Variants in CUX1 observed in about 807,000 individuals in gnomAD.
CUX1 encodes the protein cut like homeobox 1.
In CUX1, 31 loss-of-function variants were observed where a neutral mutation model predicts 158.8. The ratio of observed to expected loss-of-function variants is 0.20; its 90% CI spans 0.15 to 0.26. The LOEUF (loss-of-function observed/expected upper bound fraction) is 0.26, where lower values mean the gene tolerates loss of function less well. Among genes scored for constraint, CUX1 ranks in the 10% least tolerant of loss-of-function variants. The pLI, the probability that CUX1 is intolerant of heterozygous loss-of-function variation, is 1.00. For synonymous variants in CUX1, 879 were observed against 862.1 expected (o/e 1.02, Z -0.34); for missense variants, 1,589 against 2,014.6 (o/e 0.79, Z 4.04).
chr7:102,269,457 G>C (rs1252732327), intron 14 of CUX1, among the ~76,000 whole-genome samples: 5 of 151,278 alleles, frequency 3.3e-5, no homozygotes, highest in Non-Finnish European at 7.4e-5. Flanking sequence ...CCAGGGTGGA[G>C]TACAATGGTG....
chr7:102,054,321 A>C (rs1032608679), intron 3 of CUX1, among the ~76,000 whole-genome samples: 3 of 152,046 alleles, frequency 2.0e-5, no homozygotes, highest in African/African-American at 7.2e-5. Flanking sequence ...ATTTATTTTG[A>C]GTTAATTTTT....
At chr7:101,834,448 C>G (rs980523089) in intron 1 of CUX1, among the ~76,000 whole-genome samples, 2 of 152,140 alleles carry the variant, frequency 1.3e-5, no homozygotes, top group Non-Finnish European at 2.9e-5. Context: ...GCTGGGATTA[C>G]AGGCATGAGC....
At chr7:102,014,931 A>T (rs1474254392) in intron 2 of CUX1, among the ~76,000 whole-genome samples, 1 of 151,782 alleles carries the variant, frequency 6.6e-6, no homozygotes, top group Non-Finnish European at 1.5e-5. Flanking sequence ...TTCTGGCTGC[A>T]CATGGGTTAC....
At chr7:101,910,186 AC>A (rs1326126969) in intron 1 of CUX1, among the ~76,000 whole-genome samples, 1 of 152,014 alleles carries the variant, frequency 6.6e-6, no homozygotes, top group African/African-American at 2.4e-5. Context: ...TCCCTCTGTC[AC>A]CCAGGCTGGA....
chr7:101,973,781 T>G (rs1036842738), intron 2 of CUX1, among the ~76,000 whole-genome samples: 2 of 150,592 alleles, frequency 1.3e-5, no homozygotes, highest in Admixed American at 1.3e-4. Context: ...TTTTTTTTTT[T>G]TTTTTGAGAC....
rs1801427001 is a variant in CUX1, at chr7:102,250,778, G to A, written c.*1736G>A. Reference sequence around the variant, plus strand: ...TGCGTGAGAATAGAGGCGGGTGAGAGTGTGCGTGCGTGTGCGTGTGTGCAA... The same window carrying A: ...TGCGTGAGAATAGAGGCGGGTGAGAATGTGCGTGCGTGTGCGTGTGTGCAA... On this transcript the variant is annotated 3_prime_UTR_variant, in exon 24 of 24. Coordinates refer to ENST00000292535, the MANE Select transcript of CUX1 (RefSeq NM_181552.4). 1.0e-6 allele frequency: 1 copy of A among 984,662 alleles called. No individual in the cohort carries two copies. Among genetic ancestry groups the A allele is most frequent in the South Asian group, 4.7e-5 (1 of 21,286 alleles). 61.0% of individuals were successfully genotyped at this position (984,662 alleles called of 1,614,324 possible). A position where few individuals can be genotyped will look rare whatever the true frequency, so the allele number is the denominator to read the frequency against.
At chr7:102,235,778 C>CCACACACA (rs139509701) in intron 22 of CUX1, among the ~76,000 whole-genome samples, 2 of 141,396 alleles carry the variant, frequency 1.4e-5, no homozygotes, top group African/African-American at 5.4e-5. Context: ...CCCGTCCCCG[C>CCACACACA]CACACACACA....
At chr7:102,163,786 C>T (rs74711878) in intron 9 of CUX1, among the ~76,000 whole-genome samples, 4,059 of 152,242 alleles carry the variant, frequency 0.027, 204 homozygotes, top group African/African-American at 0.093. Context: ...GCATCTGGAC[C>T]AACACCTTTC....
intron 1 of CUX1, among the ~76,000 whole-genome samples, chr7:101,897,122 G>A (rs1014093192): frequency 6.6e-6 from 1 of 152,234 alleles, no homozygotes; most frequent in East Asian, 1.9e-4. Context: ...TATTTAGGAC[G>A]CATCTGCGAA....
intron 20 of CUX1, among the ~76,000 whole-genome samples, chr7:102,224,869 T>G (rs1262928805): frequency 1.3e-5 from 2 of 152,260 alleles, no homozygotes; most frequent in Non-Finnish European, 2.9e-5. Context: ...GACCTTGCTG[T>G]GGGTTAAAGG....
chr7:102,182,508 G>T (rs1554514274), intron 11 of CUX1, among the ~76,000 whole-genome samples: 1 of 152,158 alleles, frequency 6.6e-6, no homozygotes, highest in East Asian at 1.9e-4. Flanking sequence ...GTCCTGTCCA[G>T]GGCTCTACTT....
intron 2 of CUX1, among the ~76,000 whole-genome samples, chr7:101,984,018 A>G (rs1269946168): frequency 6.9e-6 from 1 of 144,406 alleles, no homozygotes; most frequent in African/African-American, 2.6e-5. Context: ...TGGGTGACAG[A>G]GCTGAGACTG....
Position 101,890,534 on chromosome 7 carries a change from G to T in CUX1, c.31-25581G>T, listed in dbSNP as rs2131637135. Among the ~76,000 whole-genome samples, 5 of 152,052 alleles carry T rather than the reference G, an allele frequency of 3.3e-5. No individual in the cohort carries two copies. In the Middle Eastern group the frequency reaches 0.017, roughly 517 times the overall value. ...AAGTGCTCAGCAAGGCCCGGCACCAGGTTTGTTCTTGGGATCAGAGTGATA... is the reference window on the plus strand; with the variant it reads ...AAGTGCTCAGCAAGGCCCGGCACCATGTTTGTTCTTGGGATCAGAGTGATA... On this transcript the variant is annotated intron_variant, in intron 1 of 23. Coordinates refer to ENST00000292535, the MANE Select transcript of CUX1 (RefSeq NM_181552.4).
intron 1 of CUX1, among the ~76,000 whole-genome samples, chr7:101,864,614 T>C (rs1033830338): frequency 3.9e-5 from 6 of 152,052 alleles, no homozygotes; most frequent in African/African-American, 1.4e-4. Context: ...GCAGGGGTGC[T>C]ATCTTGGCTC....
chr7:102,212,397 G>C (rs1269293650), intron 20 of CUX1, among the ~76,000 whole-genome samples: 2 of 152,084 alleles, frequency 1.3e-5, no homozygotes, highest in Non-Finnish European at 2.9e-5. Context: ...CACACCCTTG[G>C]GGAAGGCTGC....
intron 1 of CUX1, among the ~76,000 whole-genome samples, chr7:101,903,639 T>C (rs921155561): frequency 6.6e-6 from 1 of 152,178 alleles, no homozygotes; most frequent in African/African-American, 2.4e-5. Context: ...CCCCTCTCCC[T>C]GCCACAGAGC....
At chr7:102,003,295 A>AACACACACACACACACACACACAC (rs56760446) in intron 2 of CUX1, among the ~76,000 whole-genome samples, 39 of 131,968 alleles carry the variant, frequency 3.0e-4, no homozygotes, top group African/African-American at 1.0e-3. Flanking sequence ...CCTGGTGCCG[A>AACACACACACACACACACACACAC]ACACACACAC....
At chr7:101,863,908 G>A (rs536954806) in intron 1 of CUX1, among the ~76,000 whole-genome samples, 7 of 152,152 alleles carry the variant, frequency 4.6e-5, no homozygotes, top group South Asian at 2.1e-4. Flanking sequence ...ACAATATTCC[G>A]TGGTGTGTGT....
intron 1 of CUX1, among the ~76,000 whole-genome samples, chr7:101,868,226 A>G (rs1437772166): frequency 6.6e-6 from 1 of 152,050 alleles, no homozygotes; most frequent in Non-Finnish European, 1.5e-5. Context: ...GTCCTTCTAG[A>G]CTTATCTGGG....
Sources: allele counts gnomAD v4.1 joint callset (sites outside exome capture counted in the v4.1 genomes callset), GRCh38; gene constraint gnomAD v4.1.1; transcripts MANE v1.5; gene names NCBI Gene and HGNC (gene_info 2026-07-23, HGNC 2026-07-21).